Variants in GGT1 observed in about 807,000 individuals in gnomAD.
GGT1 encodes the protein gamma-glutamyltransferase 1.
Under a neutral mutation model 56.0 loss-of-function variants are expected in GGT1, and 21 were observed. The observed-to-expected ratio is 0.38, with a 90% confidence interval of 0.27 to 0.54. The LOEUF (loss-of-function observed/expected upper bound fraction) is 0.54, where lower values mean the gene tolerates loss of function less well. Among genes scored for constraint, GGT1 ranks in the 20% least tolerant of loss-of-function variants. The probability of loss-of-function intolerance (pLI) is 0.82; values close to 1 mark genes in which losing one functional copy is unlikely to be tolerated. For synonymous variants in GGT1, 238 were observed against 342.6 expected, an observed-to-expected ratio of 0.69 and a Z score of 3.37; for missense variants, 466 against 787.0, an observed-to-expected ratio of 0.59 and a Z score of 4.88.
chr22:24,605,915 G>A (rs1432969667), intron 1 of GGT1, among the ~76,000 whole-genome samples: 1 of 52,838 alleles, frequency 1.9e-5, no homozygotes, highest in Non-Finnish European at 3.3e-5. Flanking sequence ...AATATTATAT[G>A]ATGTGTATTA....
the GGT1 span, chr22:24,588,237 C>CCTCCCA: frequency 6.2e-7 from 1 of 1,613,254 alleles, no homozygotes; most frequent in East Asian, 2.2e-5. Context: ...TCCTCTGGCG[C>CCTCCCA]AGGCTGGACC....
chr22:24,626,995 C>T (rs2047827826), intron 11 of GGT1, among the ~76,000 whole-genome samples: 1 of 151,420 alleles, frequency 6.6e-6, no homozygotes, highest in South Asian at 2.1e-4. Flanking sequence ...CCCTCCCTGA[C>T]CACTCTGCCC....
At chr22:24,603,656 G>A (rs975012804) in intron 1 of GGT1, 129 bp downstream of exon 1, 1 of 152,276 alleles carries the variant, frequency 6.6e-6, no homozygotes, top group African/African-American at 2.4e-5. Context: ...GGAGTCACCT[G>A]ACTTGTGCGA....
chr22:24,592,183 A>G (rs2045589573), upstream of GGT1: 1 of 407,982 alleles, frequency 2.5e-6, no homozygotes, highest in South Asian at 1.8e-5. Context: ...GCATCCTGGG[A>G]CAACCCAGGG....
chr22:24,590,090 G>A (rs1023991663), upstream of GGT1: 10 of 1,003,630 alleles, frequency 1.0e-5, no homozygotes, highest in African/African-American at 1.7e-5. Context: ...CCCCACAGGC[G>A]GCCATGGGCC....
Position 24,623,247 on chromosome 22 carries a change from A to T in GGT1, c.874A>T (p.Ile292Phe). Residue 292 changes from isoleucine to phenylalanine, a missense_variant, in exon 10 of 16, where the codon ATC becomes TTC. Transcript: ENST00000400382. ...GCCCGTGCTGGCCCTCATCCTCAAC[A>T]TCCTCAAAGGTGAGTGGTCGCACCA... Reference protein sequence around the residue: ...SGPVLALILNILKGYNFSRES... With the variant: ...SGPVLALILNFLKGYNFSRES... 1 of 1,580,136 alleles carries T rather than the reference A, an allele frequency of 6.3e-7. No homozygotes were observed.
In GGT1 at chr22:24,611,094, T is replaced by C. The variant is rs1244806345; in HGVS notation, c.13T>C (p.Leu5=). ...GTGCAGCAGAGCCATGAAGAAGAAGTTAGTGGTGCTGGGCCTGCTGGCCGT... is the reference window on the plus strand; with the variant it reads ...GTGCAGCAGAGCCATGAAGAAGAAGCTAGTGGTGCTGGGCCTGCTGGCCGT... MKKK[L]VVLGLLAVVL... The change falls in exon 5 of 16, where the codon TTA becomes CTA. Residue 5 remains leucine (L), a synonymous_variant. Coordinates refer to ENST00000400382, the MANE Select transcript of GGT1 (RefSeq NM_001288833.2). 3 of 1,603,194 alleles carry C rather than the reference T, an allele frequency of 1.9e-6. No homozygotes were observed. The highest frequency in any genetic ancestry group is 1.1e-5 in the South Asian group (1 of 89,288).
chr22:24,602,806 T>G (rs552578745), upstream of GGT1, among the ~76,000 whole-genome samples: 3 of 152,276 alleles, frequency 2.0e-5, 1 homozygote, highest in South Asian at 6.2e-4. Context: ...AGAGGTGAAC[T>G]AGGCTCCTCA....
In GGT1 at chr22:24,628,263, C is replaced by T. The variant is rs754065910; in HGVS notation, c.1450-12C>T. 5 of 1,611,916 alleles carry T rather than the reference C, an allele frequency of 3.1e-6. No individual in the cohort carries two copies. Among genetic ancestry groups the T allele is most frequent in the African/African-American group, 1.3e-5 (1 of 74,838 alleles). ...GCCCCCAAGCCATGCTGATCACACT[C>T]CCATGCCCCAGGCCATCATCTACAA... On this transcript the variant is annotated splice_polypyrimidine_tract_variant and intron_variant, in intron 14 of 15. Transcript: ENST00000400382. This position sits in a 1 kb window ranked among gnomAD's most constrained non-coding sequence, Gnocchi z 5.7.
Position 24,595,891 on chromosome 22 carries a change from G to T in GGT1, c.-324+1005G>T, listed in dbSNP as rs371518535. 1.2e-4 allele frequency among the ~76,000 whole-genome samples: 18 copies of T among 152,356 alleles called. No individual in the cohort carries two copies. The East Asian group carries it at 3.1e-3, about 26-fold the overall frequency. ...TTGTTCAAGCCCAGGAGGGAAAAAGGCCAGCTCAGGGTTAATGTTACCTCA... is the reference window on the plus strand; with the variant it reads ...TTGTTCAAGCCCAGGAGGGAAAAAGTCCAGCTCAGGGTTAATGTTACCTCA... On this transcript the variant is annotated intron_variant, in intron 1 of 6. Coordinates refer to the GGT1 transcript ENST00000411974.
chr22:24,601,291 G>A (rs562376167), upstream of GGT1, among the ~76,000 whole-genome samples: 184 of 152,224 alleles, frequency 1.2e-3, 1 homozygote, highest in African/African-American at 3.2e-3. Flanking sequence ...ACCCCACCCC[G>A]CCATGGCCCT....
the GGT1 span, chr22:24,589,130 T>C: frequency 8.8e-7 from 1 of 1,130,398 alleles, no homozygotes. Flanking sequence ...CCAGAGCGGA[T>C]ACCCTGGTTT....
At chr22:24,589,695 G>T in the GGT1 span, 1 of 1,113,408 alleles carries the variant, frequency 9.0e-7, no homozygotes, top group Admixed American at 3.0e-5. Context: ...GACAGGGACA[G>T]TGACTTGCCT....
At chr22:24,625,859 T>C (rs1402180877) in intron 11 of GGT1, among the ~76,000 whole-genome samples, 5 of 149,636 alleles carry the variant, frequency 3.3e-5, no homozygotes, top group African/African-American at 1.3e-4. Context: ...CCCAGGGCAG[T>C]AGTCTTGGAA....
intron 7 of GGT1, among the ~76,000 whole-genome samples, chr22:24,617,850 G>C (rs1157987200): frequency 1.3e-5 from 2 of 152,052 alleles, no homozygotes; most frequent in South Asian, 2.1e-4. Context: ...AGACCACCAG[G>C]AGAGAGAGCA....
chr22:24,604,903 C>T (rs1339456510), intron 1 of GGT1, among the ~76,000 whole-genome samples: 1 of 147,604 alleles, frequency 6.8e-6, no homozygotes, highest in Non-Finnish European at 1.5e-5. Context: ...GAAGGCAGCT[C>T]TGTCTCCCTA....
At chr22:24,601,129 G>A (rs1264328882), upstream of GGT1, among the ~76,000 whole-genome samples, 1 of 152,164 alleles carries the variant, frequency 6.6e-6, no homozygotes. Flanking sequence ...GGATAATATT[G>A]GGTTTCTGGC....
the GGT1 span, chr22:24,588,450 C>G: frequency 6.0e-6 from 5 of 828,104 alleles, no homozygotes; most frequent in Admixed American, 4.3e-5. Flanking sequence ...CATGCATCAC[C>G]GAGTTGCCCA....
chr22:24,597,045 T>C (rs2045705636), intron 1 of GGT1, among the ~76,000 whole-genome samples: 2 of 150,450 alleles, frequency 1.3e-5, no homozygotes, highest in African/African-American at 4.9e-5. Flanking sequence ...TGCAATGGCA[T>C]GATCTTGGCT....
Sources: gnomAD v4.1 joint callset for allele counts (sites outside exome capture counted in the v4.1 genomes callset) on GRCh38, gnomAD v4.1.1 for gene constraint, Gnocchi (gnomAD v3.1) non-coding constraint, MANE v1.5 for transcripts, NCBI Gene and HGNC (gene_info 2026-07-23, HGNC 2026-07-21) for gene names.